Variants in RNF17 observed in about 807,000 individuals in gnomAD.
RNF17 encodes ring finger protein 17.
A neutral mutation model predicts 200.5 loss-of-function variants in RNF17; 31 were observed. The ratio of observed to expected loss-of-function variants is 0.15; its 90% CI spans 0.12 to 0.21. RNF17 has a LOEUF of 0.21. Ranked by LOEUF, RNF17 falls within the 10% of genes least tolerant of loss-of-function variation. The pLI is 1.00. For missense variants in RNF17, 1,628 were observed against 1,905.1 expected, an observed-to-expected ratio of 0.85 and a Z score of 2.71; for synonymous variants, 606 against 637.8, an observed-to-expected ratio of 0.95 and a Z score of 0.75.
At chr13:24,882,252 CTA>C (rs1160393801), downstream of RNF17, 1 of 126,856 alleles carries the variant, frequency 7.9e-6, no homozygotes, top group Admixed American at 7.9e-5. Flanking sequence ...ATAGATACAT[CTA>C]TATATAGATA....
chr13:24,831,135 A>C (rs2138023733), intron 17 of RNF17, among the ~76,000 whole-genome samples: 1 of 152,288 alleles, frequency 6.6e-6, no homozygotes, highest in Middle Eastern at 3.4e-3. Flanking sequence ...ATTATAGAAA[A>C]AAATTTTAAA....
At chr13:24,757,091 G>C in the RNF17 span, among the ~76,000 whole-genome samples, 22 of 152,122 alleles carry the variant, frequency 1.4e-4, no homozygotes, top group Non-Finnish European at 2.8e-4. Context: ...ACTGGAGAAT[G>C]ATTGCTGCCA....
In RNF17 at chr13:24,851,578, A is replaced by C; in HGVS notation, c.3320+7A>C. 4 of 1,581,492 alleles carry C rather than the reference A, an allele frequency of 2.5e-6. No homozygotes were observed. The highest frequency in any genetic ancestry group is 3.4e-6 in the Non-Finnish European group (4 of 1,161,902). On this transcript the variant is annotated splice_region_variant and intron_variant, in intron 24 of 35. Coordinates refer to ENST00000255324, the MANE Select transcript of RNF17 (RefSeq NM_031277.3). The stretch of plus-strand genomic sequence containing the variant: ...TGGCTTTGAGAGAAAGGAGGTATAG[A>C]CTTTTTTAAAAAATTTTGACATCAG...
intron 19 of RNF17, among the ~76,000 whole-genome samples, chr13:24,843,029 C>T (rs950806892): frequency 1.3e-5 from 2 of 151,630 alleles, no homozygotes; most frequent in Non-Finnish European, 2.9e-5. Context: ...CAGATAGCAC[C>T]CACATGTGAT....
At chr13:24,768,886 T>TA (rs903731253) in intron 2 of RNF17, among the ~76,000 whole-genome samples, 51 of 151,626 alleles carry the variant, frequency 3.4e-4, no homozygotes, top group African/African-American at 1.1e-3. Flanking sequence ...TAAATATGGT[T>TA]AAAAAAAACC....
rs558960102 is a variant in RNF17 at position 24,845,600 on chromosome 13, T to C, written c.3101+521T>C. ...CCAGGACCTTTACAGTATCAACATT[T>C]GTGTGGCAGGATTTGGAGGGAAGGC... is the stretch of plus-strand genomic sequence containing the variant. On this transcript the variant is annotated intron_variant, in intron 22 of 35. Coordinates refer to ENST00000255324, the MANE Select transcript of RNF17 (RefSeq NM_031277.3). 4.6e-5 allele frequency among the ~76,000 whole-genome samples: 7 copies of C among 152,248 alleles called. No individual in the cohort carries two copies. In the East Asian group the frequency reaches 1.2e-3, roughly 25 times the overall value.
rs1203055056 is a variant in RNF17, at chr13:24,851,525, G to A, written c.3274G>A (p.Val1092Ile). The change falls in exon 24 of 36, where the codon GTT becomes ATT. Residue 1092 changes from valine (V) to isoleucine (I), a missense_variant. Val to Ile is a conservative substitution (Grantham distance 29, BLOSUM62 3). Coordinates refer to ENST00000255324, the MANE Select transcript of RNF17 (RefSeq NM_031277.3). The part of the protein sequence containing the change: ...CRDEKGERVD[V>I]SKYLIKKGLA... ...AGATGAAAAAGGAGAGCGTGTTGAT[G>A]TTTCTAAATATTTGATTAAAAAGGG... is the stretch of plus-strand genomic sequence containing the variant. The A allele has an allele frequency of 1.2e-6, 2 of 1,613,644 alleles. No individual in the cohort carries two copies. The highest frequency in any genetic ancestry group is 1.7e-6 in the Non-Finnish European group (2 of 1,179,866).
intron 7 of RNF17, among the ~76,000 whole-genome samples, chr13:24,788,723 T>C (rs1181309342): frequency 6.6e-6 from 1 of 152,186 alleles, no homozygotes; most frequent in Non-Finnish European, 1.5e-5. Context: ...AAGTTTCTTA[T>C]ACTTTGACAG....
chr13:24,781,191 T>C (rs1462622237), intron 5 of RNF17, among the ~76,000 whole-genome samples: 1 of 151,964 alleles, frequency 6.6e-6, no homozygotes, highest in Non-Finnish European at 1.5e-5. Context: ...GTATGGTTTC[T>C]ACGGTTTTTT....
At chr13:24,853,643 T>C (rs1469930426) in intron 24 of RNF17, among the ~76,000 whole-genome samples, 1 of 152,196 alleles carries the variant, frequency 6.6e-6, no homozygotes, top group Non-Finnish European at 1.5e-5. Context: ...ATATAGAAAT[T>C]TAAAACATTT....
At chr13:24,848,279 CT>C in intron 22 of RNF17, among the ~76,000 whole-genome samples, 1 of 98,884 alleles carries the variant, frequency 1.0e-5, no homozygotes, top group Non-Finnish European at 2.1e-5. Context: ...TAAGAAATCC[CT>C]TTTAATAGAT....
rs752587674 is a variant in RNF17 at position 24,779,713 on chromosome 13, A to T, written c.476A>T (p.His159Leu). 6.2e-7 allele frequency: 1 copy of T among 1,613,598 alleles called. No individual in the cohort carries two copies. The highest frequency in any genetic ancestry group is 8.5e-7 in the Non-Finnish European group (1 of 1,179,776). ...ATTGATGAAGCATTGAATACAGCACACCATAGTTTCGAACAGTTAAGCATT... is the reference window on the plus strand; with the variant it reads ...ATTGATGAAGCATTGAATACAGCACTCCATAGTTTCGAACAGTTAAGCATT... The part of the protein sequence containing the change: ...EEIDEALNTA[H>L]HSFEQLSIAG... Residue 159 changes from histidine (H) to leucine (L), a missense_variant, in exon 5 of 36, where the codon CAC becomes CTC. By Grantham distance (99) the His-to-Leu change is moderately conservative. This residue lies in a region of RNF17 where 502 missense variants were observed against 501.7 expected (regional missense o/e 1.00). Coordinates refer to ENST00000255324, the MANE Select transcript of RNF17 (RefSeq NM_031277.3).
chr13:24,866,950 C>G (rs1308674564), intron 30 of RNF17, among the ~76,000 whole-genome samples: 1 of 152,134 alleles, frequency 6.6e-6, no homozygotes, highest in East Asian at 1.9e-4. Context: ...TTCTGTTTTT[C>G]TAGCCATTTT....
At chr13:24,761,918 G>A (rs770009700), upstream of RNF17, among the ~76,000 whole-genome samples, 8 of 152,230 alleles carry the variant, frequency 5.3e-5, no homozygotes, top group South Asian at 4.2e-4. Context: ...TATGGCCCAC[G>A]ATGAACACCT....
the RNF17 span, among the ~76,000 whole-genome samples, chr13:24,887,465 C>T: frequency 6.6e-6 from 1 of 152,142 alleles, no homozygotes. Flanking sequence ...GCATTAGATT[C>T]TCATAGGAGC....
At chr13:24,825,011 T>C (rs1398655473) in intron 15 of RNF17, among the ~76,000 whole-genome samples, 2 of 152,118 alleles carry the variant, frequency 1.3e-5, no homozygotes, top group Non-Finnish European at 2.9e-5. Context: ...AGATAGACCT[T>C]ACTCTATGGA....
downstream of RNF17, among the ~76,000 whole-genome samples, chr13:24,881,451 T>A (rs1435903154): frequency 6.6e-6 from 1 of 152,052 alleles, no homozygotes; most frequent in Non-Finnish European, 1.5e-5. Context: ...TATCAACCTT[T>A]TCCTTTAAGG....
chr13:24,877,949 CA>C (rs954447985), intron 34 of RNF17, among the ~76,000 whole-genome samples: 1 of 152,154 alleles, frequency 6.6e-6, no homozygotes, highest in African/African-American at 2.4e-5. Flanking sequence ...AAATTTTACC[CA>C]AAAAGTCTGT....
chr13:24,753,941 G>A, the RNF17 span, among the ~76,000 whole-genome samples: 6 of 152,136 alleles, frequency 3.9e-5, no homozygotes, highest in African/African-American at 1.4e-4. Flanking sequence ...GGGCTCACCT[G>A]AGGTCAGGAG....
Sources: allele counts gnomAD v4.1 joint callset (sites outside exome capture counted in the v4.1 genomes callset), GRCh38; gene constraint gnomAD v4.1.1; regional missense constraint gnomAD v4.1.1; transcripts MANE v1.5; gene names NCBI Gene and HGNC (gene_info 2026-07-23, HGNC 2026-07-21).